PPM1H: variants seen among roughly 807,000 people sequenced by gnomAD.
The protein encoded by PPM1H is protein phosphatase 1H.
PPM1H carries 27 observed loss-of-function variants against 54.9 expected under a neutral mutation model. The ratio of observed to expected loss-of-function variants is 0.49; its 90% CI spans 0.36 to 0.68. The LOEUF is 0.68. Ranked by LOEUF, PPM1H falls within the 30% of genes least tolerant of loss-of-function variation. The pLI is 0.00. For missense variants in PPM1H, 596 were observed against 667.8 expected, an observed-to-expected ratio of 0.89 and a Z score of 1.19; for synonymous variants, 305 against 270.8, an observed-to-expected ratio of 1.13 and a Z score of -1.24.
At chr12:62,794,076 G>T (rs186552438) in intron 3 of PPM1H, among the ~76,000 whole-genome samples, 341 of 152,242 alleles carry the variant, frequency 2.2e-3, no homozygotes, top group Non-Finnish European at 3.4e-3. Context: ...ATCCAAATCT[G>T]ATCCCAGTTT....
chr12:62,919,929 G>A (rs1404099007), intron 1 of PPM1H, among the ~76,000 whole-genome samples: 1 of 152,082 alleles, frequency 6.6e-6, no homozygotes, highest in Non-Finnish European at 1.5e-5. Flanking sequence ...TGGGGCCCAT[G>A]TGATTCCCAG....
chr12:62,658,023 G>A (rs1021435770), intron 9 of PPM1H, among the ~76,000 whole-genome samples: 4 of 146,480 alleles, frequency 2.7e-5, no homozygotes, highest in African/African-American at 1.0e-4. Context: ...AAGGGTCATG[G>A]CAGGGAGACA....
At chr12:62,709,374 C>A (rs541239589) in intron 6 of PPM1H, among the ~76,000 whole-genome samples, 55 of 152,278 alleles carry the variant, frequency 3.6e-4, no homozygotes, top group African/African-American at 1.3e-3. Context: ...TGCTGCAGCC[C>A]AGCTGGGGCC....
intron 1 of PPM1H, among the ~76,000 whole-genome samples, chr12:62,832,712 T>C (rs549173776): frequency 6.6e-6 from 1 of 152,310 alleles, no homozygotes; most frequent in African/African-American, 2.4e-5. Flanking sequence ...TCAAGGTACA[T>C]GGCAGTAACT....
intron 5 of PPM1H, among the ~76,000 whole-genome samples, chr12:62,734,625 G>A (rs2076341056): frequency 6.6e-6 from 1 of 152,126 alleles, no homozygotes; most frequent in Non-Finnish European, 1.5e-5. Flanking sequence ...TAACCTCCCA[G>A]GTCCATTCTT....
chr12:62,775,531 GT>G (rs1292981113), intron 4 of PPM1H, among the ~76,000 whole-genome samples: 1 of 152,232 alleles, frequency 6.6e-6, no homozygotes, highest in Non-Finnish European at 1.5e-5. Context: ...AGATCCAACT[GT>G]TTATGAATTT....
In PPM1H at chr12:62,746,022, G is replaced by A. The variant is rs968116499; in HGVS notation, c.870-8436C>T. On this transcript the variant is annotated intron_variant, in intron 4 of 9. Transcript: ENST00000228705. ...GCCTAGGCAACATACTGAGACCCTC[G>A]TCTCTACAAAAAAATAGAAAAAATT... is the stretch of plus-strand genomic sequence containing the variant. Among the ~76,000 whole-genome samples, 9 of 151,976 alleles carry A rather than the reference G, an allele frequency of 5.9e-5. No individual in the cohort carries two copies. In the East Asian group the frequency reaches 1.4e-3, roughly 23 times the overall value.
intron 6 of PPM1H, among the ~76,000 whole-genome samples, chr12:62,704,754 C>T (rs2076163755): frequency 6.6e-6 from 1 of 152,154 alleles, no homozygotes. Context: ...AGGCTGCTGG[C>T]TTTTTTTCCT....
At chr12:62,852,748 C>T (rs949073219) in intron 1 of PPM1H, among the ~76,000 whole-genome samples, 4 of 152,172 alleles carry the variant, frequency 2.6e-5, no homozygotes, top group Non-Finnish European at 4.4e-5. Flanking sequence ...ATAAACATAC[C>T]TTTACAAGGG....
chr12:62,657,568 G>A (rs768242966), intron 9 of PPM1H, among the ~76,000 whole-genome samples: 5 of 152,158 alleles, frequency 3.3e-5, no homozygotes, highest in African/African-American at 4.8e-5. Flanking sequence ...TCAGACACCA[G>A]ATCAAACACT....
At chr12:62,867,651 C>A (rs1235008657) in intron 1 of PPM1H, among the ~76,000 whole-genome samples, 2 of 134,704 alleles carry the variant, frequency 1.5e-5, no homozygotes, top group Non-Finnish European at 3.1e-5. Flanking sequence ...GATCTCGGCT[C>A]ACTGCAAGCT....
intron 1 of PPM1H, among the ~76,000 whole-genome samples, chr12:62,880,446 G>T (rs557100722): frequency 6.6e-6 from 1 of 152,272 alleles, no homozygotes; most frequent in African/African-American, 2.4e-5. Context: ...CTGCCTGCCA[G>T]AACCCAGCAG....
intron 8 of PPM1H, among the ~76,000 whole-genome samples, chr12:62,688,428 TAA>T (rs10556503): frequency 0.082 from 12,204 of 149,070 alleles, 1,242 homozygotes; most frequent in African/African-American, 0.23. Flanking sequence ...CAAAAGTAAT[TAA>T]AAAAAAAAAA....
intron 1 of PPM1H, among the ~76,000 whole-genome samples, chr12:62,873,400 C>G (rs1870055045): frequency 6.6e-6 from 1 of 152,190 alleles, no homozygotes. Flanking sequence ...TGGGATATCA[C>G]AGGGCAAAGC....
At chr12:62,843,534 C>G (rs1306783937) in intron 1 of PPM1H, among the ~76,000 whole-genome samples, 1 of 152,138 alleles carries the variant, frequency 6.6e-6, no homozygotes, top group African/African-American at 2.4e-5. Flanking sequence ...GTATTGTGCT[C>G]ACACATATGA....
At chr12:62,840,614 G>T (rs1206543647) in intron 1 of PPM1H, among the ~76,000 whole-genome samples, 1 of 152,126 alleles carries the variant, frequency 6.6e-6, no homozygotes, top group Non-Finnish European at 1.5e-5. Flanking sequence ...AACACTCAGA[G>T]AAAAGGTAAG....
chr12:62,676,758 C>T lies in PPM1H; in HGVS notation c.1246-9429G>A, dbSNP rs116466227. Among the ~76,000 whole-genome samples, 1,352 of 152,210 alleles carry T rather than the reference C, an allele frequency of 8.9e-3. 22 individuals carry two copies. The highest frequency in any genetic ancestry group is 0.031 in the African/African-American group (1,289 of 41,528). Reference sequence around the variant, plus strand: ...CCGAGGGGAAGGGCTGAGGGTGGCTCAAGGTGGGCCTGCAGGCACCTCTTG... The same window carrying T: ...CCGAGGGGAAGGGCTGAGGGTGGCTTAAGGTGGGCCTGCAGGCACCTCTTG... On this transcript the variant is annotated intron_variant, in intron 8 of 9. Transcript: ENST00000228705.
At chr12:62,778,907 G>A (rs1265514771) in intron 4 of PPM1H, among the ~76,000 whole-genome samples, 2 of 151,604 alleles carry the variant, frequency 1.3e-5, no homozygotes, top group Non-Finnish European at 2.9e-5. Context: ...CTCCAGCCTT[G>A]TGACAGAGTA....
chr12:62,857,545 A>G (rs917121485), intron 1 of PPM1H, among the ~76,000 whole-genome samples: 10 of 152,206 alleles, frequency 6.6e-5, no homozygotes, highest in African/African-American at 2.4e-4. Flanking sequence ...ACAGCCTCAC[A>G]TGCTCTTTAT....
Sources: allele counts gnomAD v4.1 joint callset (sites outside exome capture counted in the v4.1 genomes callset), GRCh38; gene constraint gnomAD v4.1.1; transcripts MANE v1.5; gene names NCBI Gene and HGNC (gene_info 2026-07-23, HGNC 2026-07-21).